Variants in UBAP1 observed in about 807,000 individuals in gnomAD.
UBAP1 encodes the protein ubiquitin associated protein 1.
UBAP1 carries 5 observed loss-of-function variants against 39.0 expected under a neutral mutation model. The observed-to-expected ratio is 0.13, with a 90% CI of 0.07 to 0.27. UBAP1 has a LOEUF of 0.27. Ranked by LOEUF, UBAP1 falls within the 10% of genes least tolerant of loss-of-function variation. The probability of loss-of-function intolerance (pLI) is 1.00; values close to 1 mark genes in which losing one functional copy is unlikely to be tolerated. For synonymous variants in UBAP1, 211 were observed against 225.1 expected (o/e 0.94, Z 0.56); for missense variants, 490 against 608.1 (o/e 0.81, Z 2.04).
chr9:34,228,078 G>A (rs1833194633), intron 2 of UBAP1, among the ~76,000 whole-genome samples: 1 of 152,096 alleles, frequency 6.6e-6, no homozygotes, highest in South Asian at 2.1e-4. Flanking sequence ...GCAGTGAGTG[G>A]TGATGACGTC....
In UBAP1 at chr9:34,243,142, G is replaced by A. The variant is rs774013255; in HGVS notation, c.1083+1034G>A. Among the ~76,000 whole-genome samples the A allele has an allele frequency of 1.4e-4, 21 of 152,118 alleles. 1 individual carries two copies. Among genetic ancestry groups the A allele is most frequent in the Non-Finnish European group, 2.4e-4 (16 of 68,022 alleles). The stretch of plus-strand genomic sequence containing the variant: ...GTGGGCTTCATTCTAATTCCTCTTG[G>A]TCAGTTGTTGGGCTCTGGTCAGCAC... On this transcript the variant is annotated intron_variant, in intron 4 of 6. Transcript: ENST00000297661.
chr9:34,206,102 T>C (rs1831673669), intron 1 of UBAP1: 1 of 152,260 alleles, frequency 6.6e-6, no homozygotes, highest in African/African-American at 2.4e-5. Context: ...TCAACTGTAA[T>C]CTGTTTTTAT....
At chr9:34,229,704 A>G (rs1182132952) in intron 2 of UBAP1, among the ~76,000 whole-genome samples, 2 of 149,958 alleles carry the variant, frequency 1.3e-5, no homozygotes, top group Non-Finnish European at 3.0e-5. Context: ...CGCCCAGCTA[A>G]TTTTTTGTAT....
chr9:34,235,530 G>A (rs140766441), intron 3 of UBAP1, among the ~76,000 whole-genome samples: 2,243 of 152,154 alleles, frequency 0.015, 68 homozygotes, highest in African/African-American at 0.052. Context: ...TAGTAGAGAC[G>A]GGGTTTCACT....
intron 4 of UBAP1, among the ~76,000 whole-genome samples, chr9:34,242,344 T>C (rs1170006383): frequency 6.6e-6 from 1 of 152,144 alleles, no homozygotes; most frequent in Non-Finnish European, 1.5e-5. Context: ...GATGCGGTTT[T>C]GACACGTTGC....
At chr9:34,183,144 C>G (rs1185389323) in intron 1 of UBAP1, among the ~76,000 whole-genome samples, 1 of 152,104 alleles carries the variant, frequency 6.6e-6, no homozygotes, top group African/African-American at 2.4e-5. Flanking sequence ...TAAGAGTAAT[C>G]TTTTTTCCTA....
In UBAP1 at chr9:34,251,445, G is replaced by C; in HGVS notation, c.1422G>C (p.Leu474=). 6.2e-7 allele frequency: 1 copy of C among 1,614,130 alleles called. No homozygotes were observed. Among genetic ancestry groups the C allele is most frequent in the Non-Finnish European group, 8.5e-7 (1 of 1,180,002 alleles). The change falls in exon 7 of 7, where the codon CTG becomes CTC. Residue 474 remains leucine (L), a synonymous_variant. Transcript: ENST00000297661. ...AATTTAAGGAGATGGGCTTTGAGCT[G>C]AAAGACATTAAGGAAGTTTTGCTAT... The part of the protein sequence containing the change: ...MSKFKEMGFE[L]KDIKEVLLLH...
In UBAP1 at chr9:34,249,910, G is replaced by A. The variant is rs766584132; in HGVS notation, c.1215G>A (p.Ser405=). The A allele has an allele frequency of 1.4e-5, 22 of 1,613,228 alleles. No homozygotes were observed. The highest frequency in any genetic ancestry group is 1.3e-4 in the Admixed American group (8 of 59,910). Residue 405 remains serine (S), a synonymous_variant, in exon 5 of 7, where the codon TCG becomes TCA. Transcript: ENST00000297661. ...CVETVVNMGY[S]YECVLRAMKK... is the part of the protein sequence containing the mutation. The stretch of plus-strand genomic sequence containing the variant: ...AGACGGTGGTCAACATGGGCTACTC[G>A]TACGAGTGTGTCCTCAGAGCCATGA...
intron 1 of UBAP1, among the ~76,000 whole-genome samples, chr9:34,185,292 A>T (rs1310575112): frequency 1.3e-5 from 2 of 152,178 alleles, no homozygotes; most frequent in Non-Finnish European, 2.9e-5. Context: ...TCATGCCTGT[A>T]GTCCCAGCAG....
intron 1 of UBAP1, among the ~76,000 whole-genome samples, chr9:34,192,487 C>T (rs1390085577): frequency 7.3e-6 from 1 of 136,426 alleles, no homozygotes; most frequent in Non-Finnish European, 1.5e-5. Flanking sequence ...TGCACTCTAG[C>T]CTGGGTGGAT....
intron 2 of UBAP1, among the ~76,000 whole-genome samples, chr9:34,228,375 G>A (rs1484622619): frequency 6.8e-6 from 1 of 146,518 alleles, no homozygotes; most frequent in African/African-American, 2.5e-5. Context: ...CCGAGATTGT[G>A]CCACTGCACT....
At chr9:34,239,607 T>C (rs867808702) in intron 3 of UBAP1, among the ~76,000 whole-genome samples, 15 of 152,226 alleles carry the variant, frequency 9.9e-5, no homozygotes, top group African/African-American at 3.1e-4. Flanking sequence ...CTTAGTGTCA[T>C]GGTTTAGAAC....
At chr9:34,182,669 T>C (rs796888303) in intron 1 of UBAP1, among the ~76,000 whole-genome samples, 3,968 of 47,050 alleles carry the variant, frequency 0.084, 167 homozygotes, top group Non-Finnish European at 0.15. Context: ...CTTTCTTTCT[T>C]TCTTTCTTTC....
intron 1 of UBAP1, among the ~76,000 whole-genome samples, chr9:34,193,627 C>T (rs1830858328): frequency 6.6e-6 from 1 of 152,180 alleles, no homozygotes; most frequent in Non-Finnish European, 1.5e-5. Context: ...GCTGGAGCAT[C>T]TCACAGAACT....
At chr9:34,197,315 T>A (rs186066835) in intron 1 of UBAP1, among the ~76,000 whole-genome samples, 2 of 151,960 alleles carry the variant, frequency 1.3e-5, no homozygotes, top group East Asian at 3.9e-4. Flanking sequence ...ATTAAAATTT[T>A]TTTTTTCTTT....
chr9:34,182,725 C>T (rs557625341), intron 1 of UBAP1, among the ~76,000 whole-genome samples: 6 of 142,326 alleles, frequency 4.2e-5, no homozygotes, highest in African/African-American at 1.5e-4. Context: ...CTTTCTCTCT[C>T]TCCTTTCTTT....
intron 2 of UBAP1, among the ~76,000 whole-genome samples, chr9:34,221,431 AG>A (rs759607731): frequency 6.6e-6 from 1 of 151,322 alleles, no homozygotes; most frequent in African/African-American, 2.4e-5. Flanking sequence ...CGGGAGGCTG[AG>A]GGCAGAAGAA....
intron 1 of UBAP1, chr9:34,211,997 T>C (rs1222373627): frequency 7.0e-6 from 3 of 431,236 alleles, no homozygotes; most frequent in Non-Finnish European, 1.4e-5. Flanking sequence ...AGTGTAAAAG[T>C]TCTTGAATTA....
chr9:34,242,426 G>T (rs1563921422), intron 4 of UBAP1, among the ~76,000 whole-genome samples: 1 of 152,168 alleles, frequency 6.6e-6, no homozygotes. Context: ...GGGATTACAG[G>T]TGTGAGCCAC....
Sources: gnomAD v4.1 joint callset for allele counts (sites outside exome capture counted in the v4.1 genomes callset) on GRCh38, gnomAD v4.1.1 for gene constraint, MANE v1.5 for transcripts, NCBI Gene and HGNC (gene_info 2026-07-23, HGNC 2026-07-21) for gene names.